ERC2: variants seen among roughly 807,000 people sequenced by gnomAD.
ERC2 encodes the protein ERC protein 2.
In ERC2, 42 loss-of-function variants were observed where a neutral mutation model predicts 114.8. The ratio of observed to expected loss-of-function variants is 0.37; its 90% CI spans 0.29 to 0.47. The LOEUF (loss-of-function observed/expected upper bound fraction) is 0.47. Among genes scored for constraint, ERC2 ranks in the 20% least tolerant of loss-of-function variants. ERC2 has a pLI of 0.99. For missense variants in ERC2, 939 were observed against 1,150.7 expected (o/e 0.82, Z 2.66); for synonymous variants, 454 against 425.5 (o/e 1.07, Z -0.82).
intron 2 of ERC2, among the ~76,000 whole-genome samples, chr3:56,412,992 A>G (rs2061001040): frequency 6.6e-6 from 1 of 152,226 alleles, no homozygotes; most frequent in Non-Finnish European, 1.5e-5. Context: ...TTGGACATCA[A>G]GAGGTAATAT....
intron 2 of ERC2, among the ~76,000 whole-genome samples, chr3:56,387,510 T>C (rs1262015385): frequency 2.6e-5 from 4 of 152,216 alleles, no homozygotes; most frequent in Admixed American, 2.6e-4. Flanking sequence ...ACTATTCAGA[T>C]TCTCTGCCAT....
intron 17 of ERC2, among the ~76,000 whole-genome samples, chr3:55,668,383 A>G (rs2061435104): frequency 6.6e-6 from 1 of 152,190 alleles, no homozygotes; most frequent in South Asian, 2.1e-4. Flanking sequence ...CTCCTCTGTA[A>G]AATGGGGCAA....
chr3:55,717,112 T>C lies in ERC2; in HGVS notation c.2713-17600A>G, dbSNP rs1329022257. On this transcript the variant is annotated intron_variant, in intron 15 of 17. Transcript: ENST00000288221. ...GCGATGTTAAAACAGAGTCAGGTTT[T>C]AGGAACTGCTGCTGCAGGTAATCTA... Among the ~76,000 whole-genome samples the C allele has an allele frequency of 3.3e-5, 5 of 152,200 alleles. No individual in the cohort carries two copies. In the East Asian group the frequency reaches 9.6e-4, roughly 29 times the overall value.
chr3:56,387,763 T>C (rs2059986672), intron 2 of ERC2, among the ~76,000 whole-genome samples: 1 of 152,240 alleles, frequency 6.6e-6, no homozygotes, highest in Non-Finnish European at 1.5e-5. Flanking sequence ...TCCAAGAGTG[T>C]CCTTGCAAGA....
Position 55,734,759 on chromosome 3 carries a change from A to C in ERC2, c.2712+12T>G, listed in dbSNP as rs2065517593. The C allele has an allele frequency of 6.2e-7, 1 of 1,601,880 alleles. No homozygotes were observed. The highest frequency in any genetic ancestry group is 8.5e-7 in the Non-Finnish European group (1 of 1,174,542). On this transcript the variant is annotated intron_variant, in intron 15 of 17. Transcript: ENST00000288221. The stretch of plus-strand genomic sequence containing the variant: ...ACCCAGAAAAACACACCTGTCTTGC[A>C]GGAGGCCCCACCTGCTGCTTTAATT...
At chr3:56,353,075 G>A (rs190872473) in intron 2 of ERC2, among the ~76,000 whole-genome samples, 1 of 152,222 alleles carries the variant, frequency 6.6e-6, no homozygotes, top group Admixed American at 6.5e-5. Flanking sequence ...AGGAGGCAAG[G>A]GTCATGGGGT....
chr3:56,176,866 C>T (rs2083008128), intron 3 of ERC2, among the ~76,000 whole-genome samples: 1 of 152,168 alleles, frequency 6.6e-6, no homozygotes, highest in Admixed American at 6.5e-5. Flanking sequence ...TAGGTGGGGC[C>T]ATGGGACTTA....
At chr3:56,064,279 C>A (rs1258804876) in intron 7 of ERC2, among the ~76,000 whole-genome samples, 1 of 152,300 alleles carries the variant, frequency 6.6e-6, no homozygotes, top group South Asian at 2.1e-4. Flanking sequence ...AGGACCTTTG[C>A]CTCTATTCCT....
At chr3:55,585,209 G>T (rs2057538324) in intron 17 of ERC2, among the ~76,000 whole-genome samples, 1 of 152,196 alleles carries the variant, frequency 6.6e-6, no homozygotes, top group South Asian at 2.1e-4. Flanking sequence ...GGCCTCCACA[G>T]CTGTTTGTGC....
intron 14 of ERC2, among the ~76,000 whole-genome samples, chr3:55,759,425 G>C (rs1350547606): frequency 2.5e-5 from 3 of 122,244 alleles, no homozygotes; most frequent in South Asian, 2.8e-4. Context: ...CCCTCTCTGG[G>C]AGTCAGACCA....
chr3:56,139,635 T>G lies in ERC2; in HGVS notation c.1347A>C (p.Glu449Asp). 1.2e-6 allele frequency: 2 copies of G among 1,610,162 alleles called. No homozygotes were observed. Among genetic ancestry groups the G allele is most frequent in the Non-Finnish European group, 1.7e-6 (2 of 1,178,102 alleles). ...LKQELSKKES[E>D]LLALQTKLET... ...CAAGCTTTGTTTGTAAGGCAAGAAGTTCCGACTCTTTCTTTGAAAGTTCCT... is the reference window on the plus strand; with the variant it reads ...CAAGCTTTGTTTGTAAGGCAAGAAGGTCCGACTCTTTCTTTGAAAGTTCCT... The change falls in exon 6 of 18, where the codon GAA becomes GAC. Residue 449 changes from glutamate (E) to aspartate (D), a missense_variant. Coordinates refer to ENST00000288221, the MANE Select transcript of ERC2 (RefSeq NM_015576.3).
chr3:55,570,158 C>T lies in ERC2; in HGVS notation c.*40-58882G>A, dbSNP rs149116451. 9.9e-5 allele frequency among the ~76,000 whole-genome samples: 15 copies of T among 152,094 alleles called. No homozygotes were observed. In the East Asian group the frequency reaches 2.3e-3, roughly 23 times the overall value. On this transcript the variant is annotated intron_variant, in intron 17 of 17. Coordinates refer to ENST00000288221, the MANE Select transcript of ERC2 (RefSeq NM_015576.3). ...TACAGGTTTGAGTCATCATGCCCGA[C>T]CCCCCATTTCTTATATTCATTGAGT...
intron 7 of ERC2, among the ~76,000 whole-genome samples, chr3:56,041,644 C>A (rs1271980409): frequency 5.3e-5 from 8 of 152,154 alleles, no homozygotes; most frequent in African/African-American, 1.4e-4. Context: ...TCATTCCTTC[C>A]CTCCACCAAT....
At chr3:55,879,306 G>T (rs1384312025) in intron 14 of ERC2, among the ~76,000 whole-genome samples, 1 of 151,994 alleles carries the variant, frequency 6.6e-6, no homozygotes, top group Non-Finnish European at 1.5e-5. Context: ...GAGTGTTCCT[G>T]CTGCTACAGA....
chr3:56,371,945 G>A (rs2150590425), intron 2 of ERC2, among the ~76,000 whole-genome samples: 1 of 152,320 alleles, frequency 6.6e-6, no homozygotes, highest in East Asian at 1.9e-4. Flanking sequence ...AAGCACTAAG[G>A]AGCCTCTGTG....
intron 16 of ERC2, among the ~76,000 whole-genome samples, chr3:55,689,228 C>G (rs1198079373): frequency 6.8e-6 from 1 of 146,178 alleles, no homozygotes; most frequent in East Asian, 2.1e-4. Flanking sequence ...TCCTCCACTT[C>G]TAATATAACA....
chr3:55,977,878 T>A (rs921587433), intron 12 of ERC2, among the ~76,000 whole-genome samples: 6 of 151,860 alleles, frequency 4.0e-5, no homozygotes, highest in African/African-American at 1.5e-4. Context: ...TGAAAAAGAG[T>A]AGAAAGCCTT....
At chr3:55,634,174 C>T (rs568724050) in intron 17 of ERC2, among the ~76,000 whole-genome samples, 160 of 152,320 alleles carry the variant, frequency 1.1e-3, no homozygotes, top group African/African-American at 3.2e-3. Context: ...TCACAGAATG[C>T]CCCAGACACG....
intron 2 of ERC2, among the ~76,000 whole-genome samples, chr3:56,393,012 C>T (rs763952589): frequency 6.6e-6 from 1 of 152,214 alleles, no homozygotes; most frequent in Non-Finnish European, 1.5e-5. Flanking sequence ...TCCCTAGGGT[C>T]TTCACATCTG....
Sources: allele counts gnomAD v4.1 joint callset (sites outside exome capture counted in the v4.1 genomes callset), GRCh38; gene constraint gnomAD v4.1.1; transcripts MANE v1.5; gene names NCBI Gene and HGNC (gene_info 2026-07-23, HGNC 2026-07-21).